The following NEDD4L variants were observed in gnomAD, a reference collection of about 807,000 sequenced individuals.
NEDD4L encodes the protein NEDD4 like E3 ubiquitin protein ligase, also known as E3 ubiquitin-protein ligase NEDD4-like.
In NEDD4L, 54 loss-of-function variants were observed where a neutral mutation model predicts 148.9. The ratio of observed to expected loss-of-function variants is 0.36; its 90% confidence interval spans 0.29 to 0.45. The LOEUF (loss-of-function observed/expected upper bound fraction) is 0.45, where lower values mean the gene tolerates loss of function less well. Ranked by LOEUF, NEDD4L falls within the 20% of genes least tolerant of loss-of-function variation. The pLI, the probability that NEDD4L is intolerant of heterozygous loss-of-function variation, is 1.00. For missense variants in NEDD4L, 856 were observed against 1,233.8 expected (o/e 0.69, Z 4.59); for synonymous variants, 433 against 440.7 (o/e 0.98, Z 0.22).
intron 2 of NEDD4L, chr18:58,195,536 G>T: frequency 7.5e-7 from 1 of 1,341,500 alleles, no homozygotes; most frequent in South Asian, 1.2e-5. Flanking sequence ...GGGAGCGGCT[G>T]CAGAGCCCTG....
chr18:58,081,279 G>C (rs537217805), intron 1 of NEDD4L, among the ~76,000 whole-genome samples: 3 of 146,974 alleles, frequency 2.0e-5, no homozygotes, highest in East Asian at 4.0e-4. Flanking sequence ...GCAGTGGCGC[G>C]ATCTCGGCTC....
chr18:58,386,063 GA>G (rs2048973045), intron 26 of NEDD4L, among the ~76,000 whole-genome samples: 1 of 151,680 alleles, frequency 6.6e-6, no homozygotes. Context: ...TTGATTGATT[GA>G]TTGATTTTGA....
chr18:58,074,349 C>G (rs2083050771), intron 1 of NEDD4L, among the ~76,000 whole-genome samples: 1 of 151,346 alleles, frequency 6.6e-6, no homozygotes, highest in South Asian at 2.1e-4. Context: ...ACCTCTGCCT[C>G]CCGGGTTCAA....
chr18:58,256,754 T>G lies in NEDD4L; in HGVS notation c.297+4700T>G. On this transcript the variant is annotated intron_variant, in intron 5 of 30. Coordinates refer to ENST00000400345, the MANE Select transcript of NEDD4L (RefSeq NM_001144967.3). This position sits in a 1 kb window ranked among gnomAD's most constrained non-coding sequence, Gnocchi z 5.2. ...GGAGAAAAGCGCCAAAAGCCCTGTT[T>G]CCACGGGAGCTGACACCACGGTAAG... 3.2e-6 allele frequency: 4 copies of G among 1,231,996 alleles called. No homozygotes were observed. Among genetic ancestry groups the G allele is most frequent in the Non-Finnish European group, 3.0e-6 (3 of 987,982 alleles). 76.3% of individuals were successfully genotyped at this position (1,231,996 alleles called of 1,614,324 possible).
At chr18:58,052,643 TTTTC>T (rs1245834769) in intron 1 of NEDD4L, among the ~76,000 whole-genome samples, 156 of 30,544 alleles carry the variant, frequency 5.1e-3, no homozygotes, top group Non-Finnish European at 8.2e-3. Context: ...AAAAGTGAGT[TTTTC>T]TTTTTTTTTT....
At chr18:58,126,431 C>T (rs1452738235) in intron 1 of NEDD4L, among the ~76,000 whole-genome samples, 3 of 152,184 alleles carry the variant, frequency 2.0e-5, no homozygotes, top group Non-Finnish European at 2.9e-5. Context: ...CGTGTTTCCA[C>T]GGCCCATCCC....
intron 2 of NEDD4L, among the ~76,000 whole-genome samples, chr18:58,236,623 A>G (rs1460369721): frequency 6.6e-6 from 1 of 152,198 alleles, no homozygotes; most frequent in Non-Finnish European, 1.5e-5. Flanking sequence ...ATGAGCGATG[A>G]TGTCTCTGAG....
At chr18:58,152,594 T>G (rs928948177) in intron 1 of NEDD4L, among the ~76,000 whole-genome samples, 3 of 152,214 alleles carry the variant, frequency 2.0e-5, no homozygotes, top group Admixed American at 2.0e-4. Flanking sequence ...AGAACATTGT[T>G]AAATTTTATT....
intron 2 of NEDD4L, among the ~76,000 whole-genome samples, chr18:58,217,941 G>T (rs1176315433): frequency 1.3e-5 from 2 of 152,124 alleles, no homozygotes; most frequent in African/African-American, 4.8e-5. Context: ...CTTTTCGAAG[G>T]CTGCAGAGTA....
intron 1 of NEDD4L, among the ~76,000 whole-genome samples, chr18:58,049,367 A>G (rs1274361335): frequency 1.3e-5 from 2 of 152,208 alleles, no homozygotes; most frequent in Admixed American, 6.5e-5. Context: ...TATTTTCAAG[A>G]GATTACTTGG....
chr18:58,320,690 C>T (rs964607067), intron 6 of NEDD4L, among the ~76,000 whole-genome samples: 8 of 152,074 alleles, frequency 5.3e-5, no homozygotes, highest in Admixed American at 5.2e-4. Flanking sequence ...TGGCACACAC[C>T]TGTGGTCCCA....
chr18:58,222,823 C>A (rs2043918296), intron 2 of NEDD4L, among the ~76,000 whole-genome samples: 1 of 152,178 alleles, frequency 6.6e-6, no homozygotes, highest in Non-Finnish European at 1.5e-5. Flanking sequence ...CATAGCTATT[C>A]TTTAATGTTT....
At chr18:58,222,827 A>G (rs563930690) in intron 2 of NEDD4L, among the ~76,000 whole-genome samples, 2 of 152,372 alleles carry the variant, frequency 1.3e-5, no homozygotes, top group African/African-American at 2.4e-5. Context: ...GCTATTCTTT[A>G]ATGTTTATTC....
intron 26 of NEDD4L, 136 bp downstream of exon 26, chr18:58,385,722 G>T: frequency 1.4e-6 from 1 of 704,736 alleles, no homozygotes; most frequent in Non-Finnish European, 2.5e-6. Flanking sequence ...AGGAAGACCG[G>T]GATCGCACAG....
intron 4 of NEDD4L, among the ~76,000 whole-genome samples, chr18:58,250,960 T>C (rs990715215): frequency 6.6e-6 from 1 of 152,158 alleles, no homozygotes; most frequent in South Asian, 2.1e-4. Context: ...CAAAAAGATA[T>C]GGAAAGCCCA....
At chr18:58,308,640 C>T (rs2057330795) in intron 5 of NEDD4L, among the ~76,000 whole-genome samples, 1 of 152,230 alleles carries the variant, frequency 6.6e-6, no homozygotes, top group Admixed American at 6.5e-5. Flanking sequence ...TGGACTGTTG[C>T]CACCTGTGCT....
At chr18:58,214,645 T>TTTTG (rs2042959624) in intron 2 of NEDD4L, among the ~76,000 whole-genome samples, 1 of 123,706 alleles carries the variant, frequency 8.1e-6, no homozygotes, top group Non-Finnish European at 1.9e-5. Flanking sequence ...GTGTGTGTGT[T>TTTTG]TTGTTGTTGT....
intron 2 of NEDD4L, among the ~76,000 whole-genome samples, chr18:58,192,228 A>G (rs897955482): frequency 6.6e-6 from 1 of 152,224 alleles, no homozygotes; most frequent in Non-Finnish European, 1.5e-5. Context: ...TTTCCTAAAT[A>G]TGTGAGCCTG....
At chr18:58,370,585 C>T in intron 23 of NEDD4L, 118 bp downstream of exon 23, 1 of 708,688 alleles carries the variant, frequency 1.4e-6, no homozygotes, top group Non-Finnish European at 2.6e-6. Context: ...TCCATGTGAA[C>T]AACAGGAGAC....
Sources: allele counts gnomAD v4.1 joint callset (sites outside exome capture counted in the v4.1 genomes callset), GRCh38; gene constraint gnomAD v4.1.1; non-coding constraint Gnocchi (gnomAD v3.1); transcripts MANE v1.5; gene names NCBI Gene and HGNC (gene_info 2026-07-23, HGNC 2026-07-21).